NHERF1: variants seen among roughly 807,000 people sequenced by gnomAD.
NHERF1 encodes NHERF family PDZ scaffold protein 1, also known as Na(+)/H(+) exchange regulatory cofactor NHE-RF1.
the NHERF1 span, among the ~76,000 whole-genome samples, chr17:74,751,674 C>A: frequency 9.8e-5 from 15 of 152,348 alleles, 1 homozygote. This position sits in a 1 kb window ranked among gnomAD's most constrained non-coding sequence, Gnocchi z 4.3. Context: ...CCGCCTGCCC[C>A]GTGGGGAGAG....
At chr17:74,769,030 A>C in the NHERF1 span, 4 of 228,788 alleles carry the variant, frequency 1.7e-5, no homozygotes, top group Non-Finnish European at 3.5e-5. Context: ...TGATCAAAGA[A>C]CTCTGACTGC....
At chr17:74,759,044 G>T in the NHERF1 span, among the ~76,000 whole-genome samples, 3 of 152,218 alleles carry the variant, frequency 2.0e-5, no homozygotes, top group Non-Finnish European at 4.4e-5. Flanking sequence ...GAGGAACAAG[G>T]CTGGTCTCCC....
At chr17:74,767,659 CCTT>C in the NHERF1 span, among the ~76,000 whole-genome samples, 1,306 of 152,148 alleles carry the variant, frequency 8.6e-3, 20 homozygotes, top group African/African-American at 0.03. Context: ...TTTCCATCCA[CCTT>C]CTTCTTTCAA....
the NHERF1 span, chr17:74,767,104 CCTT>C: frequency 8.6e-6 from 7 of 814,606 alleles, no homozygotes; most frequent in African/African-American, 3.4e-5. Context: ...AGTTCCAGCT[CCTT>C]CTTCAGCTCC....
the NHERF1 span, among the ~76,000 whole-genome samples, chr17:74,755,874 G>C: frequency 6.6e-6 from 1 of 151,926 alleles, no homozygotes; most frequent in Admixed American, 6.6e-5. Context: ...TAGCTCAATT[G>C]TTAAAAATGG....
At chr17:74,768,239 A>G in the NHERF1 span, 4 of 1,610,464 alleles carry the variant, frequency 2.5e-6, no homozygotes, top group Middle Eastern at 3.3e-4. Flanking sequence ...GCGAGGAGGT[A>G]GGCCAGCCAT....
At chr17:74,762,805 G>C in the NHERF1 span, among the ~76,000 whole-genome samples, 16 of 152,242 alleles carry the variant, frequency 1.1e-4, no homozygotes, top group African/African-American at 3.6e-4. This position sits in a 1 kb window ranked among gnomAD's most constrained non-coding sequence, Gnocchi z 4.2. Flanking sequence ...TGATCTGCCC[G>C]CCTCGGCCTC....
the NHERF1 span, among the ~76,000 whole-genome samples, chr17:74,758,206 C>T: frequency 2.0e-5 from 3 of 152,202 alleles, no homozygotes; most frequent in African/African-American, 4.8e-5. This position sits in a 1 kb window ranked among gnomAD's most constrained non-coding sequence, Gnocchi z 4.3. Context: ...CTGCTGGTGG[C>T]GCCTATTGAA....
the NHERF1 span, among the ~76,000 whole-genome samples, chr17:74,760,204 C>T: frequency 1.4e-3 from 207 of 152,208 alleles, no homozygotes; most frequent in African/African-American, 4.8e-3. The surrounding 1 kb of genome is among the most constrained non-coding windows in gnomAD (Gnocchi z 4.5). Flanking sequence ...CAAGATCCCA[C>T]AGGGCTGTGG....
chr17:74,766,608 G>A, the NHERF1 span, among the ~76,000 whole-genome samples: 146 of 152,074 alleles, frequency 9.6e-4, no homozygotes, highest in Non-Finnish European at 1.6e-3. Context: ...ATCTTTGTGT[G>A]TGCTGAGTCA....
At chr17:74,748,685 C>T in the NHERF1 span, 2 of 622,776 alleles carry the variant, frequency 3.2e-6, no homozygotes, top group East Asian at 3.0e-5. The surrounding 1 kb of genome is among the most constrained non-coding windows in gnomAD (Gnocchi z 4.3). Context: ...TCGCGGCTCG[C>T]GGCGGCCGAC....
At chr17:74,764,405 C>T in the NHERF1 span, among the ~76,000 whole-genome samples, 1 of 152,184 alleles carries the variant, frequency 6.6e-6, no homozygotes, top group Admixed American at 6.5e-5. This position sits in a 1 kb window ranked among gnomAD's most constrained non-coding sequence, Gnocchi z 4.9. Context: ...GGGGATGGCC[C>T]CTGGAAGTCC....
At chr17:74,760,263 AGTGGGCCCTGCAGTGAGGCAGGGG>A in the NHERF1 span, among the ~76,000 whole-genome samples, 1 of 151,982 alleles carries the variant, frequency 6.6e-6, no homozygotes, top group Non-Finnish European at 1.5e-5. This position sits in a 1 kb window ranked among gnomAD's most constrained non-coding sequence, Gnocchi z 4.5. Context: ...ACTAGCTGGG[AGTGGGCCCTGCAGTGAGGCAGGGG>A]GTGGGCCAGG....
chr17:74,767,293 T>C, the NHERF1 span, among the ~76,000 whole-genome samples: 7 of 151,970 alleles, frequency 4.6e-5, no homozygotes, highest in East Asian at 9.7e-4. Context: ...CTTCAGTGTC[T>C]GGCCACGGGC....
At chr17:74,766,450 G>A in the NHERF1 span, among the ~76,000 whole-genome samples, 10 of 152,128 alleles carry the variant, frequency 6.6e-5, no homozygotes, top group South Asian at 2.1e-3. Context: ...TGATCCAGGT[G>A]CCTCGGCCTC....
chr17:74,750,286 C>A, the NHERF1 span, among the ~76,000 whole-genome samples: 1 of 152,174 alleles, frequency 6.6e-6, no homozygotes, highest in African/African-American at 2.4e-5. Context: ...GCTGAGCCTC[C>A]TGTCCCCAGA....
the NHERF1 span, among the ~76,000 whole-genome samples, chr17:74,764,864 G>A: frequency 3.9e-5 from 6 of 152,258 alleles, no homozygotes; most frequent in Non-Finnish European, 8.8e-5. The surrounding 1 kb of genome is among the most constrained non-coding windows in gnomAD (Gnocchi z 4.9). Flanking sequence ...GATGGGGAGG[G>A]GACAGTGAGT....
At chr17:74,755,364 G>A in the NHERF1 span, among the ~76,000 whole-genome samples, 7 of 152,200 alleles carry the variant, frequency 4.6e-5, no homozygotes, top group East Asian at 3.9e-4. Context: ...ATCTACCCCC[G>A]CCCTCACTCC....
At chr17:74,748,979 G>C in the NHERF1 span, 1 of 1,607,460 alleles carries the variant, frequency 6.2e-7, no homozygotes, top group Non-Finnish European at 8.5e-7. The surrounding 1 kb of genome is among the most constrained non-coding windows in gnomAD (Gnocchi z 4.3). Context: ...GGTGGAGCCC[G>C]GCTCGCCGGC....
Sources: gnomAD v4.1 joint callset for allele counts (sites outside exome capture counted in the v4.1 genomes callset) on GRCh38, gnomAD v4.1.1 for gene constraint, Gnocchi (gnomAD v3.1) non-coding constraint, MANE v1.5 for transcripts, NCBI Gene and HGNC (gene_info 2026-07-23, HGNC 2026-07-21) for gene names.